The following DLEU7 variants were observed in gnomAD, a reference collection of about 807,000 sequenced individuals.
The protein encoded by DLEU7 is leukemia-associated protein 7.
Under a neutral mutation model 16.0 loss-of-function variants are expected in DLEU7, and 17 were observed. The observed-to-expected ratio is 1.06, with a 90% confidence interval of 0.73 to 1.59. The LOEUF is 1.59. DLEU7 is among the 40% of genes most tolerant of loss of function. DLEU7 has a pLI of 0.00. For missense variants in DLEU7, 308 were observed against 314.9 expected (o/e 0.98, Z 0.17); for synonymous variants, 113 against 139.8 (o/e 0.81, Z 1.35).
chr13:50,807,250 G>T (rs1248166957), intron 1 of DLEU7, among the ~76,000 whole-genome samples: 1 of 151,962 alleles, frequency 6.6e-6, no homozygotes, highest in Non-Finnish European at 1.5e-5. Context: ...GATATAAAAT[G>T]ATACTATACC....
chr13:50,743,978 C>T (rs1048470224), intron 1 of DLEU7, among the ~76,000 whole-genome samples: 5 of 152,116 alleles, frequency 3.3e-5, no homozygotes, highest in Admixed American at 2.6e-4. Flanking sequence ...CTCAGAAAAC[C>T]GCTTTTCTCA....
intron 1 of DLEU7, among the ~76,000 whole-genome samples, chr13:50,719,494 A>C (rs1024887741): frequency 5.9e-5 from 9 of 152,252 alleles, no homozygotes; most frequent in Non-Finnish European, 1.3e-4. Context: ...CCTCAAAGGT[A>C]ACTTTAATAG....
chr13:50,807,052 C>T (rs917070700), intron 1 of DLEU7, among the ~76,000 whole-genome samples: 67 of 150,426 alleles, frequency 4.5e-4, no homozygotes, highest in African/African-American at 1.4e-3. Flanking sequence ...AGTCTGCCTC[C>T]GCAAACTTTA....
At chr13:50,801,204 C>G (rs980433590) in intron 1 of DLEU7, among the ~76,000 whole-genome samples, 4 of 152,072 alleles carry the variant, frequency 2.6e-5, no homozygotes, top group African/African-American at 9.7e-5. Flanking sequence ...CCCAGTACCT[C>G]TCAGTGGAGA....
In DLEU7 at chr13:50,749,292, A is replaced by G. The variant is rs559439345; in HGVS notation, c.460-36052T>C. On this transcript the variant is annotated intron_variant, in intron 1 of 1. Transcript: ENST00000400393. ...TATATATCTATTTTTATATATCTAT[A>G]TAGATGTAGATATATATCTCACAGT... 2.0e-5 allele frequency among the ~76,000 whole-genome samples: 3 copies of G among 152,090 alleles called. No individual in the cohort carries two copies. In the East Asian group the frequency reaches 5.8e-4, roughly 29 times the overall value.
chr13:50,773,142 C>T (rs1875377593), intron 1 of DLEU7, among the ~76,000 whole-genome samples: 5 of 152,186 alleles, frequency 3.3e-5, no homozygotes, highest in Admixed American at 3.3e-4. Context: ...CTTCTCTATG[C>T]TGTTTATTCT....
intron 1 of DLEU7, among the ~76,000 whole-genome samples, chr13:50,779,674 C>T (rs1016236573): frequency 9.9e-5 from 15 of 152,238 alleles, no homozygotes; most frequent in Admixed American, 3.3e-4. Flanking sequence ...CCAGGTCTCA[C>T]GGATTGGTCC....
chr13:50,798,581 C>T (rs186703238), intron 1 of DLEU7, among the ~76,000 whole-genome samples: 2 of 152,234 alleles, frequency 1.3e-5, no homozygotes, highest in East Asian at 1.9e-4. Context: ...GGGCCTTGTC[C>T]AGCCTGGGGA....
intron 1 of DLEU7, among the ~76,000 whole-genome samples, chr13:50,831,957 T>G (rs7321981): frequency 0.57 from 86,229 of 151,858 alleles, 24,795 homozygotes; most frequent in African/African-American, 0.67. Flanking sequence ...TTTTTTTCTT[T>G]TGTCTCTGCC....
chr13:50,720,713 C>T (rs1040519109), intron 1 of DLEU7, among the ~76,000 whole-genome samples: 16 of 152,284 alleles, frequency 1.1e-4, no homozygotes, highest in African/African-American at 3.9e-4. Flanking sequence ...GGTCACAATC[C>T]TCTTTATACT....
exon 2 of DLEU7, chr13:50,712,059 A>G (rs1873310341): frequency 6.6e-6 from 1 of 152,172 alleles, no homozygotes; most frequent in Non-Finnish European, 1.5e-5. Flanking sequence ...ACAAACATTC[A>G]TTGATTAGCC....
At chr13:50,820,931 A>G (rs1200202002), downstream of DLEU7, among the ~76,000 whole-genome samples, 1 of 152,074 alleles carries the variant, frequency 6.6e-6, no homozygotes, top group Non-Finnish European at 1.5e-5. Flanking sequence ...TTTTTTTAGT[A>G]ATAAGTTTTC....
chr13:50,836,844 A>G (rs1877484765), intron 1 of DLEU7, among the ~76,000 whole-genome samples: 1 of 152,230 alleles, frequency 6.6e-6, no homozygotes, highest in Admixed American at 6.5e-5. Context: ...TCCCTTCTCC[A>G]GACCCATTAG....
At chr13:50,820,442 G>T (rs138546545), downstream of DLEU7, among the ~76,000 whole-genome samples, 1 of 152,234 alleles carries the variant, frequency 6.6e-6, no homozygotes, top group East Asian at 1.9e-4. Context: ...AAGGGACAGA[G>T]TCCAGAGCCT....
chr13:50,763,495 A>G (rs1277003860), intron 1 of DLEU7, among the ~76,000 whole-genome samples: 1 of 152,160 alleles, frequency 6.6e-6, no homozygotes, highest in Non-Finnish European at 1.5e-5. Context: ...ATGAACATAG[A>G]AAGAAAAGTG....
chr13:50,818,459 G>C (rs763776723), downstream of DLEU7: 1 of 151,992 alleles, frequency 6.6e-6, no homozygotes, highest in Non-Finnish European at 1.5e-5. Context: ...ACCAAAAAAC[G>C]TAAGTGACTA....
chr13:50,746,613 T>A (rs1297613575), intron 1 of DLEU7, among the ~76,000 whole-genome samples: 1 of 152,226 alleles, frequency 6.6e-6, no homozygotes, highest in African/African-American at 2.4e-5. Flanking sequence ...TGTACACATA[T>A]ACACTGCTTT....
chr13:50,712,436 C>T (rs1354093709), exon 2 of DLEU7: 1 of 152,330 alleles, frequency 6.6e-6, no homozygotes, highest in African/African-American at 2.4e-5. Context: ...TTCAGTTCAA[C>T]TTTCTTTCTC....
intron 1 of DLEU7, among the ~76,000 whole-genome samples, chr13:50,779,591 G>A (rs747652568): frequency 2.9e-4 from 44 of 152,062 alleles, no homozygotes; most frequent in African/African-American, 1.0e-3. Context: ...CAGCCACCTC[G>A]GGAAAACCAG....
Sources: gnomAD v4.1 joint callset for allele counts (sites outside exome capture counted in the v4.1 genomes callset) on GRCh38, gnomAD v4.1.1 for gene constraint, MANE v1.5 for transcripts, NCBI Gene and HGNC (gene_info 2026-07-23, HGNC 2026-07-21) for gene names.